Variants in PDCD6 observed in about 807,000 individuals in gnomAD.
The protein encoded by PDCD6 is programmed cell death 6.
A neutral mutation model predicts 28.3 loss-of-function variants in PDCD6; 12 were observed. The ratio of observed to expected loss-of-function variants is 0.42; its 90% confidence interval spans 0.27 to 0.69. The LOEUF is 0.69. Ranked by LOEUF, PDCD6 falls within the 30% of genes least tolerant of loss-of-function variation. The pLI, the probability that PDCD6 is intolerant of heterozygous loss-of-function variation, is 0.22. For missense variants in PDCD6, 226 were observed against 269.9 expected, an observed-to-expected ratio of 0.84 and a Z score of 1.14; for synonymous variants, 92 against 108.0, an observed-to-expected ratio of 0.85 and a Z score of 0.92.
At chr5:310,924 T>C in intron 4 of PDCD6, 1 of 221,720 alleles carries the variant, frequency 4.5e-6, no homozygotes, top group Non-Finnish European at 8.8e-6. Flanking sequence ...ATAAGGACTT[T>C]GAAAGTAACT....
At chr5:277,397 G>A (rs1407168325) in intron 2 of PDCD6, among the ~76,000 whole-genome samples, 37 of 149,742 alleles carry the variant, frequency 2.5e-4, no homozygotes. Flanking sequence ...CGCCTCCTGG[G>A]TTCATGCCAT....
intron 2 of PDCD6, among the ~76,000 whole-genome samples, chr5:288,318 A>G (rs1413148753): frequency 2.7e-5 from 4 of 147,584 alleles, no homozygotes; most frequent in African/African-American, 9.8e-5. Flanking sequence ...ATATACACAT[A>G]TGTATATATA....
intron 2 of PDCD6, among the ~76,000 whole-genome samples, chr5:277,192 C>G (rs1351236958): frequency 6.6e-6 from 1 of 152,092 alleles, no homozygotes; most frequent in Non-Finnish European, 1.5e-5. Flanking sequence ...GTGGCACGCT[C>G]TTGGCTCACT....
chr5:282,403 C>G (rs374745040), intron 2 of PDCD6, among the ~76,000 whole-genome samples: 1 of 150,882 alleles, frequency 6.6e-6, no homozygotes, highest in African/African-American at 2.4e-5. Flanking sequence ...GTTTGAGCAT[C>G]TTGCCAGCTG....
In PDCD6 at chr5:280,402, A is replaced by G. The variant is rs556769645; in HGVS notation, c.163+7630A>G. ...GTGCTGGCATTTAAGAGGGGAGACC[A>G]TAGACCAGGGCAGAGGGCAGGGCTG... On this transcript the variant is annotated intron_variant, in intron 2 of 5. Coordinates refer to ENST00000264933, the MANE Select transcript of PDCD6 (RefSeq NM_013232.4). Among the ~76,000 whole-genome samples the G allele has an allele frequency of 5.6e-4, 85 of 150,524 alleles. 1 individual carries two copies. The South Asian group carries it at 0.011, about 19-fold the overall frequency.
At chr5:273,880 T>TA (rs1490848557) in intron 2 of PDCD6, among the ~76,000 whole-genome samples, 1 of 152,190 alleles carries the variant, frequency 6.6e-6, no homozygotes, top group African/African-American at 2.4e-5. Flanking sequence ...CTGTTATCTC[T>TA]ACACTAGTGA....
chr5:272,715 G>A lies in PDCD6; in HGVS notation c.106G>A (p.Asp36Asn). Residue 36 changes from aspartate to asparagine, a missense_variant, in exon 2 of 6, where the codon GAT (aspartate) becomes AAT (asparagine). By Grantham distance (23) the Asp-to-Asn change is conservative. Coordinates refer to ENST00000264933, the MANE Select transcript of PDCD6 (RefSeq NM_013232.4). Reference protein sequence around the residue: ...SFLWNVFQRVDKDRSGVISDT... With the variant: ...SFLWNVFQRVNKDRSGVISDT... ...TTGGTCTTCTTGATGTTATAGGGTC[G>A]ATAAAGACAGGAGTGGAGTGATATC... 6.3e-7 allele frequency: 1 copy of A among 1,575,142 alleles called. No individual in the cohort carries two copies. The highest frequency in any genetic ancestry group is 8.6e-7 in the Non-Finnish European group (1 of 1,161,264).
intron 2 of PDCD6, among the ~76,000 whole-genome samples, chr5:284,788 T>C (rs1321189741): frequency 2.0e-5 from 3 of 149,700 alleles, no homozygotes; most frequent in Non-Finnish European, 4.4e-5. Flanking sequence ...GCCGGGGAGC[T>C]GATGTACCAG....
Position 314,461 on chromosome 5 carries a change from C to CT in PDCD6, c.523dup (p.Trp175LeufsTer68). The CT allele has an allele frequency of 1.2e-6, 2 of 1,613,920 alleles. No individual in the cohort carries two copies. The highest frequency in any genetic ancestry group is 2.2e-5 in the South Asian group (2 of 91,092). On this transcript the variant is annotated frameshift_variant, in exon 6 of 6. Coordinates refer to ENST00000264933, the MANE Select transcript of PDCD6 (RefSeq NM_013232.4). ...GACGTTACGACACGGATCAGGACGG[C>CT]TGGATTCAGGTGTCGTACGAACAGT...
intron 4 of PDCD6, 43 bp from the exon 5 acceptor site, chr5:311,250 C>CGTCT: frequency 6.8e-7 from 1 of 1,464,574 alleles, no homozygotes; most frequent in Non-Finnish European, 9.6e-7. Flanking sequence ...ACATACCTCC[C>CGTCT]GTCTCTCCCA....
chr5:314,005 A>C (rs1741104199), intron 5 of PDCD6, among the ~76,000 whole-genome samples: 2 of 146,058 alleles, frequency 1.4e-5, no homozygotes, highest in Non-Finnish European at 3.0e-5. Flanking sequence ...TGATGTCACA[A>C]GCCCATCTGG....
intron 2 of PDCD6, chr5:289,831 C>G: frequency 7.1e-7 from 1 of 1,411,570 alleles, no homozygotes; most frequent in South Asian, 1.2e-5. Context: ...TACATTAGAC[C>G]TCTCAGGATA....
Position 299,689 on chromosome 5 carries a change from A to G in PDCD6, c.164-4488A>G, listed in dbSNP as rs574862581. Among the ~76,000 whole-genome samples, 80 of 152,006 alleles carry G rather than the reference A, an allele frequency of 5.3e-4. 1 individual carries two copies. In the East Asian group the frequency reaches 0.015, roughly 28 times the overall value. On this transcript the variant is annotated intron_variant, in intron 2 of 5. Transcript: ENST00000264933. ...CTCAGCCCCCCGAGTAGCTGGGACT[A>G]CAGGCACACGCCGCCATGCCTGGCT...
intron 2 of PDCD6, among the ~76,000 whole-genome samples, chr5:274,070 A>C (rs960386245): frequency 3.3e-5 from 5 of 152,042 alleles, no homozygotes; most frequent in African/African-American, 1.2e-4. Context: ...AAACTTCCTA[A>C]ATGTTGACCA....
At chr5:284,207 G>A (rs1203657271) in intron 2 of PDCD6, among the ~76,000 whole-genome samples, 1 of 150,988 alleles carries the variant, frequency 6.6e-6, no homozygotes, top group Admixed American at 6.6e-5. Context: ...GCTGCAGACC[G>A]GGAGAGGAGC....
chr5:313,428 C>T (rs1394611532), intron 5 of PDCD6, among the ~76,000 whole-genome samples: 1 of 152,118 alleles, frequency 6.6e-6, no homozygotes, highest in African/African-American at 2.4e-5. Flanking sequence ...TCTGCCAAGT[C>T]AAGGAGCCCG....
chr5:273,901 T>G (rs573943415), intron 2 of PDCD6, among the ~76,000 whole-genome samples: 22 of 151,426 alleles, frequency 1.5e-4, no homozygotes, highest in Non-Finnish European at 2.9e-4. Context: ...TTGTGCTTTC[T>G]TGGTTTTTCT....
At chr5:275,081 G>A (rs540117916) in intron 2 of PDCD6, among the ~76,000 whole-genome samples, 269 of 151,966 alleles carry the variant, frequency 1.8e-3, no homozygotes, top group Middle Eastern at 3.4e-3. Flanking sequence ...TCATCTCTGT[G>A]GGATGAAGCC....
At chr5:279,205 C>CCG (rs56317962) in intron 2 of PDCD6, among the ~76,000 whole-genome samples, 1 of 151,762 alleles carries the variant, frequency 6.6e-6, no homozygotes, top group Non-Finnish European at 1.5e-5. Flanking sequence ...TCATTCCCCC[C>CCG]TAAGAGTATG....
Sources: allele counts gnomAD v4.1 joint callset (sites outside exome capture counted in the v4.1 genomes callset), GRCh38; gene constraint gnomAD v4.1.1; transcripts MANE v1.5; gene names NCBI Gene and HGNC (gene_info 2026-07-23, HGNC 2026-07-21).